Variants in BACE2 observed in about 807,000 individuals in gnomAD.
The protein encoded by BACE2 is beta-secretase 2.
A neutral mutation model predicts 46.2 loss-of-function variants in BACE2; 17 were observed. The observed-to-expected ratio is 0.37, with a 90% confidence interval of 0.25 to 0.55. The LOEUF (loss-of-function observed/expected upper bound fraction) is 0.55, where lower values mean the gene tolerates loss of function less well. Among genes scored for constraint, BACE2 ranks in the 20% least tolerant of loss-of-function variants. The pLI is 0.82. For missense variants in BACE2, 595 were observed against 698.1 expected, an observed-to-expected ratio of 0.85 and a Z score of 1.66; for synonymous variants, 277 against 295.9, an observed-to-expected ratio of 0.94 and a Z score of 0.66.
rs1201656875 is a variant in BACE2, at chr21:41,168,283, CGCT to C, written c.29_31del (p.Leu10del). The stretch of plus-strand genomic sequence containing the variant: ...GTGGGCATGGGCGCACTGGCCCGGG[CGCT>C]GCTGCTGCCTCTGCTGGCCCAGTGG... On this transcript the variant is annotated inframe_deletion, in exon 1 of 9. Coordinates refer to ENST00000330333, the MANE Select transcript of BACE2 (RefSeq NM_012105.5). 3 of 1,241,618 alleles carry C rather than the reference CGCT, an allele frequency of 2.4e-6. No homozygotes were observed. Among genetic ancestry groups the C allele is most frequent in the Non-Finnish European group, 3.0e-6 (3 of 994,832 alleles). 76.9% of individuals were successfully genotyped at this position (1,241,618 alleles called of 1,614,324 possible).
chr21:41,268,212 G>A (rs562270425), intron 8 of BACE2, among the ~76,000 whole-genome samples: 2 of 152,262 alleles, frequency 1.3e-5, no homozygotes, highest in South Asian at 2.1e-4. Flanking sequence ...TCATTTTATA[G>A]ATGACAAAAC....
intron 1 of BACE2, among the ~76,000 whole-genome samples, chr21:41,189,065 A>G (rs978721470): frequency 3.9e-5 from 6 of 152,164 alleles, no homozygotes; most frequent in African/African-American, 1.2e-4. Context: ...GATGCTGTTG[A>G]TAAGTCTGAT....
chr21:41,168,573 A>G lies in BACE2; in HGVS notation c.310A>G (p.Lys104Glu). The G allele has an allele frequency of 7.6e-7, 1 of 1,323,330 alleles. No homozygotes were observed. Among genetic ancestry groups the G allele is most frequent in the South Asian group, 2.8e-5 (1 of 35,870 alleles). 82.0% of individuals were successfully genotyped at this position (1,323,330 alleles called of 1,614,324 possible). A position where few individuals can be genotyped will look rare whatever the true frequency, so the allele number is the denominator to read the frequency against. Residue 104 changes from lysine (K) to glutamate (E), a missense_variant and splice_region_variant, in exon 1 of 9, where the codon AAG becomes GAG. By Grantham distance (56) the Lys-to-Glu change is moderately conservative. Coordinates refer to ENST00000330333, the MANE Select transcript of BACE2 (RefSeq NM_012105.5). ...GATGCTGATCGGGACCCCCCCGCAGAAGGTAGGGACCCCCGGCTGCTGCCG... is the reference window on the plus strand; with the variant it reads ...GATGCTGATCGGGACCCCCCCGCAGGAGGTAGGGACCCCCGGCTGCTGCCG... ...LEMLIGTPPQ[K>E]LQILVDTGSS...
At chr21:41,186,041 AG>A (rs1985362521) in intron 1 of BACE2, 1 of 152,518 alleles carries the variant, frequency 6.6e-6, no homozygotes, top group Admixed American at 6.5e-5. Context: ...AACCAGGTGA[AG>A]GGGTGGCAAG....
At chr21:41,202,201 C>T (rs901084727) in intron 1 of BACE2, among the ~76,000 whole-genome samples, 1 of 152,166 alleles carries the variant, frequency 6.6e-6, no homozygotes, top group Non-Finnish European at 1.5e-5. Context: ...CGGAAACTGA[C>T]GGTTAGATGT....
intron 2 of BACE2, among the ~76,000 whole-genome samples, chr21:41,234,653 T>G (rs1322899715): frequency 6.6e-6 from 1 of 152,264 alleles, no homozygotes; most frequent in Non-Finnish European, 1.5e-5. Flanking sequence ...ACTTGAGGAA[T>G]GAACCCAAAT....
At chr21:41,209,557 C>T (rs1003879012) in intron 1 of BACE2, among the ~76,000 whole-genome samples, 5 of 152,184 alleles carry the variant, frequency 3.3e-5, no homozygotes, top group Non-Finnish European at 7.4e-5. Context: ...GAAAAAGCCG[C>T]ACTACCCCTC....
At chr21:41,238,954 T>TAAAA (rs34474586) in intron 3 of BACE2, among the ~76,000 whole-genome samples, 43 of 85,626 alleles carry the variant, frequency 5.0e-4, no homozygotes, top group South Asian at 9.5e-4. Context: ...AAAGTATAAT[T>TAAAA]AAAAAAAAAA....
intron 1 of BACE2, among the ~76,000 whole-genome samples, chr21:41,204,044 A>G (rs1412562678): frequency 6.6e-6 from 1 of 152,014 alleles, no homozygotes; most frequent in African/African-American, 2.4e-5. Flanking sequence ...TTGGAGGACA[A>G]TGTGGGGTGA....
intron 1 of BACE2, among the ~76,000 whole-genome samples, chr21:41,190,538 G>A (rs924524730): frequency 6.6e-6 from 1 of 152,200 alleles, no homozygotes; most frequent in South Asian, 2.1e-4. Context: ...TGGTCACGTG[G>A]TTGTAGCCGG....
intron 1 of BACE2, chr21:41,176,971 C>G (rs1008834839): frequency 6.6e-6 from 1 of 152,158 alleles, no homozygotes; most frequent in African/African-American, 2.4e-5. Context: ...CCTTGTTGCC[C>G]AAGTAACTGC....
chr21:41,274,829 AC>A (rs2088467595), intron 8 of BACE2, among the ~76,000 whole-genome samples: 1 of 152,196 alleles, frequency 6.6e-6, no homozygotes, highest in Non-Finnish European at 1.5e-5. Flanking sequence ...CTCACAACCC[AC>A]TAAGACTATG....
chr21:41,238,954 TAAAAAAAAAAAAA>T (rs34474586), intron 3 of BACE2, among the ~76,000 whole-genome samples: 8 of 85,658 alleles, frequency 9.3e-5, no homozygotes, highest in Non-Finnish European at 1.1e-4. Context: ...AAAGTATAAT[TAAAAAAAAAAAAA>T]AAAAAAAAAA....
rs934008794 is a variant in BACE2, at chr21:41,280,361, G to A, written c.*4737G>A. 2.0e-5 allele frequency: 3 copies of A among 152,304 alleles called. No individual in the cohort carries two copies. In the East Asian group the frequency reaches 5.8e-4, roughly 29 times the overall value. The allele number at this position is 152,304 out of a possible 1,614,324, so 9.4% of individuals were successfully genotyped here. ...TGAGCCAGCCCAGCCCATGCATTCC[G>A]AACATCCGACAGCTTCTTTCTCCAG... On this transcript the variant is annotated 3_prime_UTR_variant, in exon 9 of 9. Transcript: ENST00000330333.
rs1987473639 is a variant in BACE2 at position 41,246,394 on chromosome 21, A to G, written c.984+331A>G. ...GCAATGCCCTCTAGTATTTCAAATAATAGTTCAGTTGGTATAGTATTTTTT... is the reference window on the plus strand; with the variant it reads ...GCAATGCCCTCTAGTATTTCAAATAGTAGTTCAGTTGGTATAGTATTTTTT... On this transcript the variant is annotated intron_variant, in intron 6 of 8. Coordinates refer to ENST00000330333, the MANE Select transcript of BACE2 (RefSeq NM_012105.5). 2.5e-5 allele frequency: 4 copies of G among 160,276 alleles called. 1 individual carries two copies. The Admixed American group carries it at 2.6e-4, about 10-fold the overall frequency. The allele number at this position is 160,276 out of a possible 1,614,324, so 9.9% of individuals were successfully genotyped here. A position where few individuals can be genotyped will look rare whatever the true frequency, so the allele number is the denominator to read the frequency against.
rs56933411 is a variant in BACE2, at chr21:41,197,275, G to GT, written c.312+28715dup. 9.2e-3 allele frequency among the ~76,000 whole-genome samples: 1,238 copies of GT among 134,918 alleles called. 7 individuals are homozygous for GT. Among genetic ancestry groups the GT allele is most frequent in the East Asian group, 0.012 (53 of 4,510 alleles). The allele number at this position is 134,918 out of a possible 152,430, so 88.5% of individuals were successfully genotyped here. On this transcript the variant is annotated intron_variant, in intron 1 of 8. Transcript: ENST00000330333. ...GCACCCAGCCAGCCAGGTTTTTTTT[G>GT]TTTTTTTTTTTTTTTAAAGAAATAC... is the stretch of plus-strand genomic sequence containing the variant.
intron 1 of BACE2, among the ~76,000 whole-genome samples, chr21:41,223,010 A>G (rs1451163502): frequency 1.3e-5 from 2 of 152,174 alleles, no homozygotes; most frequent in Non-Finnish European, 1.5e-5. Flanking sequence ...TCCCATCTCA[A>G]GATGTTTCCT....
At chr21:41,242,226 G>T (rs1040611906) in intron 4 of BACE2, among the ~76,000 whole-genome samples, 1 of 152,020 alleles carries the variant, frequency 6.6e-6, no homozygotes, top group African/African-American at 2.4e-5. Context: ...CTGTGGGTGG[G>T]GGAGGGACAA....
chr21:41,234,707 A>G (rs144392055), intron 2 of BACE2, among the ~76,000 whole-genome samples: 1 of 152,240 alleles, frequency 6.6e-6, no homozygotes, highest in African/African-American at 2.4e-5. Context: ...TTGCTATTCA[A>G]CATAAGCGTG....
Sources: allele counts gnomAD v4.1 joint callset (sites outside exome capture counted in the v4.1 genomes callset), GRCh38; gene constraint gnomAD v4.1.1; transcripts MANE v1.5; gene names NCBI Gene and HGNC (gene_info 2026-07-23, HGNC 2026-07-21).